Variants in SYT1 observed in about 807,000 individuals in gnomAD.
SYT1 encodes the protein synaptotagmin-1.
In SYT1, 8 loss-of-function variants were observed where a neutral mutation model predicts 44.8. The ratio of observed to expected loss-of-function variants is 0.18; its 90% CI spans 0.10 to 0.32. SYT1 has a LOEUF of 0.32. Among genes scored for constraint, SYT1 ranks in the 10% least tolerant of loss-of-function variants. The pLI is 1.00. For synonymous variants in SYT1, 154 were observed against 188.8 expected (o/e 0.82, Z 1.51); for missense variants, 286 against 509.3 (o/e 0.56, Z 4.22).
intron 10 of SYT1, among the ~76,000 whole-genome samples, chr12:79,447,351 T>A (rs1477152575): frequency 6.6e-6 from 1 of 152,190 alleles, no homozygotes; most frequent in East Asian, 1.9e-4. Flanking sequence ...TGCCTGTCCT[T>A]CTGTCTTTCT....
chr12:79,139,719 G>C (rs752654697), intron 3 of SYT1, among the ~76,000 whole-genome samples: 9 of 152,086 alleles, frequency 5.9e-5, no homozygotes, highest in Non-Finnish European at 1.2e-4. Context: ...GGTGTTACTT[G>C]GTTTTGATTT....
chr12:79,110,106 G>A (rs1008064655), intron 3 of SYT1, among the ~76,000 whole-genome samples: 1 of 151,994 alleles, frequency 6.6e-6, no homozygotes, highest in Non-Finnish European at 1.5e-5. Context: ...TTTCCATATT[G>A]TCTCCTATTG....
At chr12:79,140,989 T>C (rs1565823915) in intron 3 of SYT1, among the ~76,000 whole-genome samples, 1 of 152,202 alleles carries the variant, frequency 6.6e-6, no homozygotes, top group Non-Finnish European at 1.5e-5. Context: ...GTTAGCTTCC[T>C]AAGAGTTCCT....
rs186993647 is a variant in SYT1 at position 79,179,247 on chromosome 12, T to C, written c.-17-38256T>C. Among the ~76,000 whole-genome samples the C allele has an allele frequency of 7.7e-4, 60 of 77,574 alleles. 7 individuals are homozygous for C. Among genetic ancestry groups the C allele is most frequent in the African/African-American group, 1.7e-3 (28 of 16,610 alleles). The allele number at this position is 77,574 out of a possible 152,430, so 50.9% of individuals were successfully genotyped here. On this transcript the variant is annotated intron_variant, in intron 3 of 10. Coordinates refer to ENST00000261205, the MANE Select transcript of SYT1 (RefSeq NM_005639.3). ...AGATATAGATATAGATATATAGATA[T>C]AGATATAGATATAGATATATAGATA... is the stretch of plus-strand genomic sequence containing the variant.
chr12:79,179,762 C>G (rs1872403047), intron 3 of SYT1, among the ~76,000 whole-genome samples: 1 of 151,738 alleles, frequency 6.6e-6, no homozygotes, highest in South Asian at 2.1e-4. Flanking sequence ...TTGCCATTTG[C>G]TCTAGCCTAA....
intron 3 of SYT1, among the ~76,000 whole-genome samples, chr12:79,146,052 C>G (rs1181164703): frequency 1.3e-5 from 2 of 152,098 alleles, no homozygotes; most frequent in African/African-American, 4.8e-5. Flanking sequence ...CCACCGCGCC[C>G]GGCCTAAACA....
intron 9 of SYT1, among the ~76,000 whole-genome samples, chr12:79,423,795 C>T (rs575461634): frequency 4.0e-5 from 6 of 151,716 alleles, no homozygotes; most frequent in Admixed American, 1.3e-4. Context: ...CTAAATATGC[C>T]GAACACCTAT....
At chr12:79,061,943 A>G (rs1020004885) in intron 3 of SYT1, among the ~76,000 whole-genome samples, 2 of 152,198 alleles carry the variant, frequency 1.3e-5, no homozygotes, top group Admixed American at 1.3e-4. Flanking sequence ...TAGAAGCCTT[A>G]GTAATAGAAC....
intron 3 of SYT1, 56 bp downstream of exon 3, chr12:79,047,418 A>G (rs1874151488): frequency 6.6e-6 from 1 of 151,848 alleles, no homozygotes; most frequent in Admixed American, 6.6e-5. Flanking sequence ...AGAGCTTACA[A>G]ATGTCTTTTA....
intron 3 of SYT1, among the ~76,000 whole-genome samples, chr12:79,211,948 A>T (rs1874485292): frequency 6.6e-6 from 1 of 152,170 alleles, no homozygotes; most frequent in African/African-American, 2.4e-5. Flanking sequence ...TTATAAATGA[A>T]TATGTTATCC....
At chr12:79,227,089 T>G (rs898292923) in intron 4 of SYT1, among the ~76,000 whole-genome samples, 1 of 152,228 alleles carries the variant, frequency 6.6e-6, no homozygotes, top group East Asian at 1.9e-4. Flanking sequence ...AAATTCCCAC[T>G]TGTAAGAAGA....
At chr12:79,164,276 C>G (rs1871118953) in intron 3 of SYT1, among the ~76,000 whole-genome samples, 1 of 152,064 alleles carries the variant, frequency 6.6e-6, no homozygotes, top group African/African-American at 2.4e-5. Context: ...GAAGCATTCA[C>G]AGAGAATTTA....
At chr12:79,156,323 G>C (rs1219104386) in intron 3 of SYT1, among the ~76,000 whole-genome samples, 3 of 152,098 alleles carry the variant, frequency 2.0e-5, no homozygotes, top group Non-Finnish European at 2.9e-5. Flanking sequence ...TGGCTTGTAC[G>C]GGTAAATTAT....
chr12:79,171,960 G>A (rs1284761462), intron 3 of SYT1, among the ~76,000 whole-genome samples: 2 of 151,844 alleles, frequency 1.3e-5, no homozygotes, highest in South Asian at 4.1e-4. Context: ...AGAATTTCTG[G>A]ATTTAAAGAG....
intron 9 of SYT1, among the ~76,000 whole-genome samples, chr12:79,414,222 A>T (rs1261132351): frequency 6.6e-6 from 1 of 152,228 alleles, no homozygotes; most frequent in African/African-American, 2.4e-5. Flanking sequence ...TTCTGAATGC[A>T]ACTGAACCGC....
chr12:79,181,848 A>C (rs562570006), intron 3 of SYT1, among the ~76,000 whole-genome samples: 1 of 152,086 alleles, frequency 6.6e-6, no homozygotes, highest in African/African-American at 2.4e-5. Flanking sequence ...TATCAATTCT[A>C]TCATCCCTTT....
chr12:79,445,152 A>T (rs1474673344), intron 10 of SYT1, among the ~76,000 whole-genome samples: 1 of 151,692 alleles, frequency 6.6e-6, no homozygotes, highest in Non-Finnish European at 1.5e-5. Flanking sequence ...AATAACAAAT[A>T]CTCTTTATTT....
intron 4 of SYT1, among the ~76,000 whole-genome samples, chr12:79,273,138 A>G (rs1476213463): frequency 6.6e-5 from 6 of 90,824 alleles, no homozygotes; most frequent in Non-Finnish European, 1.4e-4. Flanking sequence ...TTTTTTTTTG[A>G]CAATATCTCG....
chr12:79,241,030 T>C (rs750735016), intron 4 of SYT1, among the ~76,000 whole-genome samples: 13 of 151,970 alleles, frequency 8.6e-5, no homozygotes, highest in Non-Finnish European at 2.9e-5. Context: ...AAAACCAGCC[T>C]GTCATGGTGG....
Sources: allele counts gnomAD v4.1 joint callset (sites outside exome capture counted in the v4.1 genomes callset), GRCh38; gene constraint gnomAD v4.1.1; transcripts MANE v1.5; gene names NCBI Gene and HGNC (gene_info 2026-07-23, HGNC 2026-07-21).